Variants in RIMBP2 observed in about 807,000 individuals in gnomAD.
RIMBP2 encodes the protein RIMS-binding protein 2.
In RIMBP2, 48 loss-of-function variants were observed where a neutral mutation model predicts 118.6. The ratio of observed to expected loss-of-function variants is 0.40; its 90% CI spans 0.32 to 0.51. RIMBP2 has a LOEUF of 0.51. RIMBP2 is among the 20% of genes least tolerant of loss of function. RIMBP2 has a pLI of 0.41. For synonymous variants in RIMBP2, 762 were observed against 742.9 expected, an observed-to-expected ratio of 1.03 and a Z score of -0.42; for missense variants, 1,551 against 1,768.3, an observed-to-expected ratio of 0.88 and a Z score of 2.20.
In RIMBP2 at chr12:130,422,617, A is replaced by C; in HGVS notation, c.3130-56T>G. 4 of 1,252,126 alleles carry C rather than the reference A, an allele frequency of 3.2e-6. No individual in the cohort carries two copies. Among genetic ancestry groups the C allele is most frequent in the Non-Finnish European group, 4.6e-6 (4 of 878,068 alleles). The allele number at this position is 1,252,126 out of a possible 1,614,324, so 77.6% of individuals were successfully genotyped here. ...TCTCGCCAGCATTGGGAACTGAAGA[A>C]TTCAGTTAGCCAAATCAAGCGGGTT... On this transcript the variant is annotated intron_variant, in intron 16 of 22. Coordinates refer to ENST00000690449, the MANE Select transcript of RIMBP2 (RefSeq NM_001393629.1). This position sits in a 1 kb window ranked among gnomAD's most constrained non-coding sequence, Gnocchi z 5.2.
At chr12:130,489,097 C>T (rs1013142234) in intron 4 of RIMBP2, among the ~76,000 whole-genome samples, 11 of 152,190 alleles carry the variant, frequency 7.2e-5, no homozygotes, top group Non-Finnish European at 1.3e-4. Context: ...TAAGAGCCCA[C>T]GTGAATGCAT....
intron 4 of RIMBP2, among the ~76,000 whole-genome samples, chr12:130,489,553 AG>A (rs780484206): frequency 1.3e-4 from 19 of 151,992 alleles, no homozygotes; most frequent in Non-Finnish European, 2.4e-4. Context: ...TCTCCTGTAG[AG>A]GCTCCGTCTC....
chr12:130,639,414 A>G (rs1385931802), intron 1 of RIMBP2, among the ~76,000 whole-genome samples: 4 of 124,128 alleles, frequency 3.2e-5, no homozygotes, highest in Non-Finnish European at 4.9e-5. Flanking sequence ...GGCCAGGTGC[A>G]GTGGCTCACA....
At chr12:130,711,104 G>A (rs1186748267) in intron 1 of RIMBP2, among the ~76,000 whole-genome samples, 5 of 152,196 alleles carry the variant, frequency 3.3e-5, no homozygotes, top group African/African-American at 9.7e-5. Context: ...TTAGCCGGGC[G>A]TGGTAGCCCA....
chr12:130,405,613 G>C (rs1411765089), intron 21 of RIMBP2, among the ~76,000 whole-genome samples: 1 of 151,108 alleles, frequency 6.6e-6, no homozygotes, highest in African/African-American at 2.4e-5. Context: ...CATGCTCCAG[G>C]GGAACAGAAA....
At chr12:130,513,271 G>A (rs4759486) in intron 3 of RIMBP2, among the ~76,000 whole-genome samples, 94,717 of 152,050 alleles carry the variant, frequency 0.62, 29,833 homozygotes, top group African/African-American at 0.7. Flanking sequence ...CAGCACATTA[G>A]CAACCCTGGG....
intron 2 of RIMBP2, among the ~76,000 whole-genome samples, chr12:130,530,994 T>C (rs542184035): frequency 6.6e-6 from 1 of 152,334 alleles, no homozygotes; most frequent in East Asian, 1.9e-4. Context: ...CCCCAAGGAC[T>C]GATCACTTTG....
intron 1 of RIMBP2, among the ~76,000 whole-genome samples, chr12:130,637,929 T>C (rs1008768606): frequency 1.3e-5 from 2 of 149,034 alleles, no homozygotes; most frequent in African/African-American, 4.9e-5. Context: ...GACTTTGGCA[T>C]TGACTGTGTA....
intron 2 of RIMBP2, among the ~76,000 whole-genome samples, chr12:130,579,797 T>C (rs2058338691): frequency 6.6e-6 from 1 of 151,730 alleles, no homozygotes. Context: ...CCAGAAGCGA[T>C]GGTGAAGGGT....
At chr12:130,685,599 AG>A in intron 1 of RIMBP2, among the ~76,000 whole-genome samples, 1 of 152,150 alleles carries the variant, frequency 6.6e-6, no homozygotes, top group Non-Finnish European at 1.5e-5. Context: ...CCAGGCAGGA[AG>A]GGAGCCGTGT....
chr12:130,466,857 A>C (rs1233276089), intron 6 of RIMBP2, among the ~76,000 whole-genome samples: 6 of 152,220 alleles, frequency 3.9e-5, no homozygotes, highest in Non-Finnish European at 5.9e-5. Context: ...CCTATTATTT[A>C]TGCAAAAATG....
chr12:130,616,431 G>A (rs1050993827), intron 2 of RIMBP2, among the ~76,000 whole-genome samples: 17 of 152,162 alleles, frequency 1.1e-4, no homozygotes, highest in African/African-American at 3.1e-4. Flanking sequence ...GGGCCAGTGC[G>A]GAATCACCTG....
At chr12:130,530,314 G>A (rs906476752) in intron 2 of RIMBP2, among the ~76,000 whole-genome samples, 3 of 152,090 alleles carry the variant, frequency 2.0e-5, no homozygotes, top group Non-Finnish European at 4.4e-5. Context: ...TTGGTATAAT[G>A]TGTTGACTTT....
intron 2 of RIMBP2, among the ~76,000 whole-genome samples, chr12:130,552,599 G>A (rs2055906031): frequency 6.6e-6 from 1 of 152,218 alleles, no homozygotes; most frequent in Non-Finnish European, 1.5e-5. Flanking sequence ...CATTAGTCCT[G>A]ACACTAGAAA....
chr12:130,401,483 C>A (rs2074562072), intron 21 of RIMBP2, among the ~76,000 whole-genome samples: 1 of 151,890 alleles, frequency 6.6e-6, no homozygotes, highest in Non-Finnish European at 1.5e-5. Context: ...CACATACTTC[C>A]TGCATCTTCC....
rs1301068061 is a variant in RIMBP2 at position 130,525,957 on chromosome 12, G to A, written c.-216-8040C>T. 1.3e-5 allele frequency among the ~76,000 whole-genome samples: 2 copies of A among 151,980 alleles called. No individual in the cohort carries two copies. Among genetic ancestry groups the A allele is most frequent in the African/African-American group, 2.4e-5 (1 of 41,366 alleles). The stretch of plus-strand genomic sequence containing the variant: ...ATGTGGAGGGGTGGGACTCAAGCCC[G>A]GGCTGTGCAGCTGTCAGGTTTGAGA... On this transcript the variant is annotated intron_variant, in intron 2 of 22. Transcript: ENST00000690449. This position sits in a 1 kb window ranked among gnomAD's most constrained non-coding sequence, Gnocchi z 4.4.
At chr12:130,439,342 TGTA>T (rs762659612) in intron 11 of RIMBP2, among the ~76,000 whole-genome samples, 3 of 151,518 alleles carry the variant, frequency 2.0e-5, no homozygotes, top group Non-Finnish European at 4.4e-5. Flanking sequence ...TATGTATGTG[TGTA>T]GATGTGTGGG....
At chr12:130,595,789 G>C (rs1394722449) in intron 2 of RIMBP2, among the ~76,000 whole-genome samples, 1 of 152,198 alleles carries the variant, frequency 6.6e-6, no homozygotes, top group African/African-American at 2.4e-5. Context: ...GTGCCAGGGA[G>C]CAGGGGAGAG....
intron 1 of RIMBP2, among the ~76,000 whole-genome samples, chr12:130,704,786 C>T (rs2066018220): frequency 1.3e-5 from 2 of 152,086 alleles, no homozygotes; most frequent in South Asian, 4.2e-4. Flanking sequence ...CAAGACGGGC[C>T]GAGGCTCCGG....
Sources: gnomAD v4.1 joint callset for allele counts (sites outside exome capture counted in the v4.1 genomes callset) on GRCh38, gnomAD v4.1.1 for gene constraint, Gnocchi (gnomAD v3.1) non-coding constraint, MANE v1.5 for transcripts, NCBI Gene and HGNC (gene_info 2026-07-23, HGNC 2026-07-21) for gene names.